Variants in SOX5 observed in about 807,000 individuals in gnomAD.
SOX5 encodes the protein SRY-box transcription factor 5.
A neutral mutation model predicts 92.0 loss-of-function variants in SOX5; 9 were observed. The ratio of observed to expected loss-of-function variants is 0.10; its 90% CI spans 0.06 to 0.17. The LOEUF (loss-of-function observed/expected upper bound fraction) is 0.17. SOX5 is among the 10% of genes least tolerant of loss of function. The pLI is 1.00. For synonymous variants in SOX5, 344 were observed against 336.3 expected (o/e 1.02, Z -0.25); for missense variants, 642 against 944.5 (o/e 0.68, Z 4.20).
At chr12:24,348,394 A>ATTTATTTATTTG (rs1322620821) in intron 2 of SOX5, among the ~76,000 whole-genome samples, 1 of 151,012 alleles carries the variant, frequency 6.6e-6, no homozygotes, top group African/African-American at 2.4e-5. Flanking sequence ...TTATTTATTT[A>ATTTATTTATTTG]TTTGTTGAGA....
At chr12:24,069,154 G>A (rs1458651528) in intron 4 of SOX5, among the ~76,000 whole-genome samples, 1 of 152,092 alleles carries the variant, frequency 6.6e-6, no homozygotes, top group Admixed American at 6.5e-5. Context: ...TAAACTAACT[G>A]TAGAAATGTT....
intron 4 of SOX5, among the ~76,000 whole-genome samples, chr12:24,068,821 C>T (rs1941320077): frequency 6.9e-6 from 1 of 144,632 alleles, no homozygotes; most frequent in Admixed American, 7.0e-5. Context: ...ATACATAAGG[C>T]AAAAAAGATG....
chr12:24,032,982 G>A (rs1438721917), intron 4 of SOX5, among the ~76,000 whole-genome samples: 1 of 151,788 alleles, frequency 6.6e-6, no homozygotes, highest in African/African-American at 2.4e-5. Context: ...TCTCAAACTG[G>A]AAGTTGGATT....
chr12:23,653,522 G>T (rs562416119), intron 7 of SOX5, among the ~76,000 whole-genome samples: 28 of 151,886 alleles, frequency 1.8e-4, no homozygotes, highest in African/African-American at 6.8e-4. Context: ...CTGTCTGTTC[G>T]GGCTGATACA....
chr12:23,540,402 T>TAATAAA (rs1336779007), intron 13 of SOX5, among the ~76,000 whole-genome samples: 21 of 139,746 alleles, frequency 1.5e-4, no homozygotes, highest in East Asian at 1.2e-3. Flanking sequence ...ATAATAATAA[T>TAATAAA]AAAAAGCAGA....
At chr12:23,802,926 A>G (rs183988196) in intron 3 of SOX5, among the ~76,000 whole-genome samples, 4 of 152,302 alleles carry the variant, frequency 2.6e-5, no homozygotes, top group Non-Finnish European at 4.4e-5. Context: ...TAAATTGTTA[A>G]GCATTGCTAC....
At chr12:23,623,887 A>C (rs2077459049) in intron 8 of SOX5, among the ~76,000 whole-genome samples, 1 of 152,152 alleles carries the variant, frequency 6.6e-6, no homozygotes. Context: ...GTGTATATCC[A>C]ATATTCATAA....
At chr12:24,146,149 T>C (rs1294250258) in intron 4 of SOX5, among the ~76,000 whole-genome samples, 1 of 152,200 alleles carries the variant, frequency 6.6e-6, no homozygotes, top group Non-Finnish European at 1.5e-5. Flanking sequence ...CTAACTGGCA[T>C]TGGTAGAACG....
rs569148420 is a variant in SOX5, at chr12:23,680,824, C to T, written c.811-15260G>A. Among the ~76,000 whole-genome samples, 10 of 151,940 alleles carry T rather than the reference C, an allele frequency of 6.6e-5. No homozygotes were observed. The South Asian group carries it at 1.2e-3, about 19-fold the overall frequency. The stretch of plus-strand genomic sequence containing the variant: ...TAAATATCACAACAGTAGTATTAGA[C>T]GTCAATGGAAAAAAATAAACTGACA... On this transcript the variant is annotated intron_variant, in intron 6 of 14. Transcript: ENST00000451604.
Position 24,326,791 on chromosome 12 carries a change from T to C in SOX5, c.-174+41772A>G, listed in dbSNP as rs10842326. ...CCACCCACCCATTCATACACACACA[T>C]ACACACACACACACACACAGGTCTA... On this transcript the variant is annotated intron_variant, in intron 2 of 4. Transcript: ENST00000446891. Among the ~76,000 whole-genome samples the C allele has an allele frequency of 7.2e-3, 1,075 of 148,800 alleles. 9 individuals carry two copies. The highest frequency in any genetic ancestry group is 0.025 in the African/African-American group (998 of 40,366).
chr12:23,632,544 T>C (rs1202049496), intron 8 of SOX5, among the ~76,000 whole-genome samples: 1 of 152,146 alleles, frequency 6.6e-6, no homozygotes, highest in African/African-American at 2.4e-5. Flanking sequence ...TATAAAGCCA[T>C]GCTCAGTCAC....
At chr12:23,535,923 G>A (rs1031248307) in intron 14 of SOX5, among the ~76,000 whole-genome samples, 8 of 152,172 alleles carry the variant, frequency 5.3e-5, no homozygotes, top group Admixed American at 3.3e-4. Flanking sequence ...TCGGAGCTGC[G>A]TTCTCAATTC....
chr12:23,898,919 T>A (rs990721724), intron 1 of SOX5, among the ~76,000 whole-genome samples: 1 of 152,234 alleles, frequency 6.6e-6, no homozygotes, highest in African/African-American at 2.4e-5. Flanking sequence ...AATAATAGGC[T>A]ACTAAGTCAG....
chr12:24,392,192 T>C (rs1032793022), intron 1 of SOX5, among the ~76,000 whole-genome samples: 1 of 152,154 alleles, frequency 6.6e-6, no homozygotes, highest in Non-Finnish European at 1.5e-5. Context: ...CACTGCGCTA[T>C]TGCAATGGTC....
chr12:24,054,753 C>A (rs1178547995), intron 4 of SOX5, among the ~76,000 whole-genome samples: 1 of 152,226 alleles, frequency 6.6e-6, no homozygotes, highest in Non-Finnish European at 1.5e-5. Flanking sequence ...CCAGATTCAA[C>A]ATGCACATTA....
intron 2 of SOX5, among the ~76,000 whole-genome samples, chr12:24,335,894 T>A (rs1951820802): frequency 6.8e-6 from 1 of 148,040 alleles, no homozygotes; most frequent in South Asian, 2.1e-4. Context: ...ATTTTCCATA[T>A]AATTTCAAGG....
rs566387371 is a variant in SOX5 at position 24,154,531 on chromosome 12, T to C, written c.-2+58812A>G. ...TAAAAGGGTAAAAGAGAAAAATTTGTAAACAAGTTAGGTGTCCAACAGCCA... is the reference window on the plus strand; with the variant it reads ...TAAAAGGGTAAAAGAGAAAAATTTGCAAACAAGTTAGGTGTCCAACAGCCA... On this transcript the variant is annotated intron_variant, in intron 4 of 4. Coordinates refer to the SOX5 transcript ENST00000446891. Among the ~76,000 whole-genome samples the C allele has an allele frequency of 1.1e-4, 16 of 152,214 alleles. No individual in the cohort carries two copies. In the South Asian group the frequency reaches 1.5e-3, roughly 14 times the overall value.
chr12:24,524,066 C>A (rs1387316790), intron 1 of SOX5, among the ~76,000 whole-genome samples: 3 of 152,110 alleles, frequency 2.0e-5, no homozygotes, highest in African/African-American at 7.2e-5. Flanking sequence ...TAACGGTTTG[C>A]CTGTGAGGAT....
At chr12:23,546,828 G>C (rs1055987301) in intron 11 of SOX5, among the ~76,000 whole-genome samples, 1 of 152,174 alleles carries the variant, frequency 6.6e-6, no homozygotes, top group African/African-American at 2.4e-5. Flanking sequence ...TCTTCCAATA[G>C]TCAGGTGACC....
Sources: gnomAD v4.1 joint callset for allele counts (sites outside exome capture counted in the v4.1 genomes callset) on GRCh38, gnomAD v4.1.1 for gene constraint, MANE v1.5 for transcripts, NCBI Gene and HGNC (gene_info 2026-07-23, HGNC 2026-07-21) for gene names.